Variants in IFT88 observed in about 807,000 individuals in gnomAD.
IFT88 encodes the protein intraflagellar transport protein 88 homolog.
A neutral mutation model predicts 119.5 loss-of-function variants in IFT88; 74 were observed. The observed-to-expected ratio is 0.62, with a 90% CI of 0.51 to 0.75. The LOEUF (loss-of-function observed/expected upper bound fraction) is 0.75. Among genes scored for constraint, IFT88 ranks in the 30% least tolerant of loss-of-function variants. IFT88 has a pLI of 0.00. For missense variants in IFT88, 961 were observed against 977.7 expected (o/e 0.98, Z 0.23); for synonymous variants, 279 against 316.7 (o/e 0.88, Z 1.26).
At position 20,605,018 on chromosome 13, in the gene IFT88, C is replaced by T; in HGVS notation, c.1042-17C>T. On this transcript the variant is annotated splice_polypyrimidine_tract_variant and intron_variant, in intron 12 of 25. Transcript: ENST00000351808. ...ACTTCTGAATTATTCTTTTTTTCTTCCATTTTATTTTACCAGGATGATCCT... is the reference window on the plus strand; with the variant it reads ...ACTTCTGAATTATTCTTTTTTTCTTTCATTTTATTTTACCAGGATGATCCT... 8.0e-7 allele frequency: 1 copy of T among 1,251,378 alleles called. No individual in the cohort carries two copies. Among genetic ancestry groups the T allele is most frequent in the Non-Finnish European group, 1.2e-6 (1 of 866,320 alleles). The allele number at this position is 1,251,378 out of a possible 1,614,324, so 77.5% of individuals were successfully genotyped here. A position where few individuals can be genotyped will look rare whatever the true frequency, so the allele number is the denominator to read the frequency against.
rs1173386720 is a variant in IFT88 at position 20,615,811 on chromosome 13, ATATAT to A, written c.1135_1139del (p.Ile379AspfsTer11). On this transcript the variant is annotated frameshift_variant, in exon 14 of 26. Transcript: ENST00000351808. LOFTEE classifies it high-confidence loss of function. ...GATATAGGAAAGCCATGGCAGAAAA[ATATAT>A]TATGACATCTGCAAAACTCATTGCT... 6.2e-7 allele frequency: 1 copy of A among 1,600,902 alleles called. No individual in the cohort carries two copies. The highest frequency in any genetic ancestry group is 1.7e-5 in the Admixed American group (1 of 57,648).
At chr13:20,630,291 G>A (rs113293415) in intron 15 of IFT88, among the ~76,000 whole-genome samples, 1 of 152,016 alleles carries the variant, frequency 6.6e-6, no homozygotes, top group Non-Finnish European at 1.5e-5. Flanking sequence ...CTGGGACCTT[G>A]GCCTTAAAGT....
At chr13:20,618,529 GTATT>G (rs2045995583) in intron 14 of IFT88, among the ~76,000 whole-genome samples, 1 of 152,174 alleles carries the variant, frequency 6.6e-6, no homozygotes, top group Non-Finnish European at 1.5e-5. Context: ...AGAGGGATCA[GTATT>G]TATAAAGCCG....
chr13:20,684,832 G>A (rs770510744), intron 24 of IFT88, among the ~76,000 whole-genome samples: 23 of 152,214 alleles, frequency 1.5e-4, no homozygotes, highest in Non-Finnish European at 1.5e-4. Flanking sequence ...GTTCCCCAGC[G>A]TAGTTCCACG....
chr13:20,631,164 C>A, intron 16 of IFT88, 62 bp downstream of exon 16: 2 of 1,053,040 alleles, frequency 1.9e-6, no homozygotes, highest in Non-Finnish European at 3.0e-6. Flanking sequence ...AATTTCTGCC[C>A]AAGGATCATG....
At chr13:20,575,139 C>G (rs1184036414) in intron 2 of IFT88, among the ~76,000 whole-genome samples, 1 of 151,598 alleles carries the variant, frequency 6.6e-6, no homozygotes, top group African/African-American at 2.4e-5. Flanking sequence ...TGGTAATCAT[C>G]CTTCTATTCT....
chr13:20,599,916 T>C (rs1174347409), intron 11 of IFT88, among the ~76,000 whole-genome samples: 1 of 151,760 alleles, frequency 6.6e-6, no homozygotes, highest in Non-Finnish European at 1.5e-5. Context: ...TCCCCTTACG[T>C]TCTTGCTGTA....
In IFT88 at chr13:20,671,039, GGTAA is replaced by G. The variant is rs1377171093; in HGVS notation, c.2242+4_2242+7del. On this transcript the variant is annotated splice_donor_variant and splice_donor_region_variant and intron_variant, in intron 24 of 25. Coordinates refer to ENST00000351808, the MANE Select transcript of IFT88 (RefSeq NM_006531.5). LOFTEE classifies it high-confidence loss of function. ...CAAAAGAGAAGGAAGTGCTAGCGGTGGTAAGTATTTTCTCTTTCCCTGAAAAACT... is the reference window on the plus strand; with the variant it reads ...CAAAAGAGAAGGAAGTGCTAGCGGTGGTATTTTCTCTTTCCCTGAAAAACT... 3 of 1,612,736 alleles carry G rather than the reference GGTAA, an allele frequency of 1.9e-6. No individual in the cohort carries two copies. The highest frequency in any genetic ancestry group is 1.3e-5 in the African/African-American group (1 of 74,842).
At chr13:20,621,434 G>A (rs1042439881) in intron 14 of IFT88, among the ~76,000 whole-genome samples, 2 of 147,882 alleles carry the variant, frequency 1.4e-5, no homozygotes, top group African/African-American at 5.1e-5. Context: ...CTCCAGCTTT[G>A]TTGTTGAGGA....
Position 20,598,694 on chromosome 13 carries a change from A to G in IFT88, c.638A>G (p.Tyr213Cys), listed in dbSNP as rs925342211. Reference sequence around the variant, plus strand: ...AGTCAGTATTCAGTTAATGAAATGTATGCCGAAGCACTTAACACTTATCAA... The same window carrying G: ...AGTCAGTATTCAGTTAATGAAATGTGTGCCGAAGCACTTAACACTTATCAA... Reference protein sequence around the residue: ...LASQYSVNEMYAEALNTYQVI... With the variant: ...LASQYSVNEMCAEALNTYQVI... Residue 213 changes from tyrosine to cysteine, a missense_variant, in exon 10 of 26, where the codon TAT (tyrosine) becomes TGT (cysteine). Transcript: ENST00000351808. The G allele has an allele frequency of 2.5e-6, 4 of 1,611,372 alleles. No homozygotes were observed. Among genetic ancestry groups the G allele is most frequent in the East Asian group, 2.2e-5 (1 of 44,678 alleles).
rs1195256969 is a variant in IFT88 at position 20,631,116 on chromosome 13, C to A, written c.1386+14C>A. ...CTGTATTATATGGTAAGTTTTTTTA[C>A]TACTAAGAGTTAATCATATGCTATT... On this transcript the variant is annotated intron_variant, in intron 16 of 25. Coordinates refer to ENST00000351808, the MANE Select transcript of IFT88 (RefSeq NM_006531.5). 1.3e-6 allele frequency: 2 copies of A among 1,491,670 alleles called. No individual in the cohort carries two copies. Among genetic ancestry groups the A allele is most frequent in the Non-Finnish European group, 1.9e-6 (2 of 1,068,400 alleles). 92.4% of individuals were successfully genotyped at this position (1,491,670 alleles called of 1,614,324 possible). A position where few individuals can be genotyped will look rare whatever the true frequency, so the allele number is the denominator to read the frequency against.
chr13:20,624,533 A>G lies in IFT88; in HGVS notation c.1200-1217A>G, dbSNP rs144699177. On this transcript the variant is annotated intron_variant, in intron 14 of 25. Transcript: ENST00000351808. The stretch of plus-strand genomic sequence containing the variant: ...CCTGCACTTGAGGCCTAACATCCCC[A>G]TTATACCAGAAGACTCTAATAAAGG... Among the ~76,000 whole-genome samples the G allele has an allele frequency of 1.8e-4, 28 of 152,324 alleles. No individual in the cohort carries two copies. The East Asian group carries it at 4.2e-3, about 23-fold the overall frequency.
intron 22 of IFT88, among the ~76,000 whole-genome samples, chr13:20,657,815 A>G (rs1468601496): frequency 1.3e-5 from 2 of 152,076 alleles, no homozygotes; most frequent in Non-Finnish European, 2.9e-5. Flanking sequence ...TTCAATGACA[A>G]TGAACACAAA....
chr13:20,662,386 T>A (rs1438176997), intron 22 of IFT88, among the ~76,000 whole-genome samples: 1 of 152,136 alleles, frequency 6.6e-6, no homozygotes, highest in East Asian at 1.9e-4. Context: ...AAAGAGGAGC[T>A]GGTACCATTC....
chr13:20,588,503 C>T (rs1315856202), intron 3 of IFT88, among the ~76,000 whole-genome samples: 1 of 152,128 alleles, frequency 6.6e-6, no homozygotes, highest in Non-Finnish European at 1.5e-5. Flanking sequence ...TTTAGAGATA[C>T]TTTATGGCTC....
At chr13:20,663,108 A>G (rs890097764) in intron 22 of IFT88, among the ~76,000 whole-genome samples, 3 of 152,256 alleles carry the variant, frequency 2.0e-5, no homozygotes, top group Non-Finnish European at 4.4e-5. Flanking sequence ...AACATTAGTA[A>G]TGATTATTAT....
intron 13 of IFT88, chr13:20,607,370 A>C: frequency 3.4e-6 from 2 of 580,246 alleles, no homozygotes. Flanking sequence ...TGCACACACC[A>C]TTAAGGCCAC....
intron 22 of IFT88, among the ~76,000 whole-genome samples, chr13:20,657,821 A>C (rs1464041846): frequency 6.6e-6 from 1 of 152,188 alleles, no homozygotes; most frequent in Non-Finnish European, 1.5e-5. Flanking sequence ...GACAATGAAC[A>C]CAAAAGAATG....
chr13:20,571,109 T>A (rs1402927261), intron 1 of IFT88, among the ~76,000 whole-genome samples: 2 of 152,176 alleles, frequency 1.3e-5, no homozygotes, highest in African/African-American at 4.8e-5. Context: ...TTCTCCTGCC[T>A]CAGCCTCCTG....
Sources: allele counts gnomAD v4.1 joint callset (sites outside exome capture counted in the v4.1 genomes callset), GRCh38; gene constraint gnomAD v4.1.1; transcripts MANE v1.5; gene names NCBI Gene and HGNC (gene_info 2026-07-23, HGNC 2026-07-21).